The following ZC3H4 variants were observed in gnomAD, a reference collection of about 807,000 sequenced individuals.
ZC3H4 encodes the protein zinc finger CCCH domain-containing protein 4.
A neutral mutation model predicts 108.3 loss-of-function variants in ZC3H4; 13 were observed. The ratio of observed to expected loss-of-function variants is 0.12; its 90% confidence interval spans 0.08 to 0.19. The LOEUF (loss-of-function observed/expected upper bound fraction) is 0.19, where lower values mean the gene tolerates loss of function less well. Among genes scored for constraint, ZC3H4 ranks in the 10% least tolerant of loss-of-function variants. ZC3H4 has a pLI of 1.00. For synonymous variants in ZC3H4, 917 were observed against 749.6 expected (o/e 1.22, Z -3.65); for missense variants, 1,734 against 1,838.8 (o/e 0.94, Z 1.04).
At chr19:47,109,598 A>G (rs1233360658) in intron 2 of ZC3H4, among the ~76,000 whole-genome samples, 1 of 152,174 alleles carries the variant, frequency 6.6e-6, no homozygotes, top group Non-Finnish European at 1.5e-5. Flanking sequence ...AGGATATCGT[A>G]GTTTGGAGAT....
intron 11 of ZC3H4, among the ~76,000 whole-genome samples, chr19:47,076,638 G>A (rs1315914801): frequency 2.6e-5 from 4 of 152,056 alleles, no homozygotes; most frequent in Admixed American, 6.6e-5. Flanking sequence ...GGTGGATTAC[G>A]AGGTCAGGAG....
At chr19:47,097,928 G>A (rs116395723) in intron 2 of ZC3H4, among the ~76,000 whole-genome samples, 2,633 of 152,242 alleles carry the variant, frequency 0.017, 61 homozygotes, top group African/African-American at 0.051. Flanking sequence ...CAGAGCCCTC[G>A]GGAACAAGAA....
At chr19:47,108,569 G>A (rs1395015239) in intron 2 of ZC3H4, among the ~76,000 whole-genome samples, 1 of 152,164 alleles carries the variant, frequency 6.6e-6, no homozygotes, top group Non-Finnish European at 1.5e-5. Context: ...GGCCCAATAT[G>A]AAATTGCTCT....
chr19:47,095,322 A>C lies in ZC3H4; in HGVS notation c.162-714T>G, dbSNP rs148270650. 2.1e-3 allele frequency among the ~76,000 whole-genome samples: 327 copies of C among 152,334 alleles called. 1 individual carries two copies. The highest frequency in any genetic ancestry group is 7.6e-3 in the African/African-American group (315 of 41,572). On this transcript the variant is annotated intron_variant, in intron 2 of 14. Coordinates refer to ENST00000253048, the MANE Select transcript of ZC3H4 (RefSeq NM_015168.2). ...ACAAAAGCCCCATGAGAACCGCTGG[A>C]AACAGGCTCAGAGTCCCAGGTCACA...
At position 47,067,421 on chromosome 19, in the gene ZC3H4, C is replaced by T. The variant is rs1272411379; in HGVS notation, c.2847G>A (p.Leu949=). ...IPLDPLPGHP[L]RDPRSQLQQF... Reference sequence around the variant, plus strand: ...GCTGCAGCTGTGACCGTGGGTCCCGCAGAGGGTGCCCGGGGAGTGGGTCCA... The same window carrying T: ...GCTGCAGCTGTGACCGTGGGTCCCGTAGAGGGTGCCCGGGGAGTGGGTCCA... Residue 949 remains leucine, a synonymous_variant, in exon 15 of 15, where the codon CTG becomes CTA. Coordinates refer to ENST00000253048, the MANE Select transcript of ZC3H4 (RefSeq NM_015168.2). The surrounding 1 kb of genome is among the most constrained non-coding windows in gnomAD (Gnocchi z 6.4). 6.2e-7 allele frequency: 1 copy of T among 1,606,396 alleles called. No homozygotes were observed. The highest frequency in any genetic ancestry group is 8.5e-7 in the Non-Finnish European group (1 of 1,175,724).
At chr19:47,106,882 T>A (rs751562505) in intron 2 of ZC3H4, among the ~76,000 whole-genome samples, 17 of 152,228 alleles carry the variant, frequency 1.1e-4, no homozygotes, top group Non-Finnish European at 2.2e-4. Flanking sequence ...TGGAGCTGGA[T>A]GAGACCTTGT....
chr19:47,112,225 C>G, intron 2 of ZC3H4, 199 bp downstream of exon 2: 2 of 1,174,392 alleles, frequency 1.7e-6, no homozygotes, highest in Non-Finnish European at 2.1e-6. Flanking sequence ...GGGGGGGAAA[C>G]GCATGAGGCC....
chr19:47,112,205 G>A (rs2058048220), intron 2 of ZC3H4: 2 of 1,209,786 alleles, frequency 1.7e-6, no homozygotes, highest in East Asian at 3.3e-5. Flanking sequence ...GAGCGGGCGA[G>A]CGCCGCGAGG....
intron 2 of ZC3H4, among the ~76,000 whole-genome samples, chr19:47,098,823 G>C (rs2057863235): frequency 6.6e-6 from 1 of 152,194 alleles, no homozygotes; most frequent in Non-Finnish European, 1.5e-5. Flanking sequence ...ATATTTCAAA[G>C]GAGATATTTC....
intron 8 of ZC3H4, 94 bp downstream of exon 8, chr19:47,084,962 G>C (rs1350962623): frequency 3.9e-6 from 6 of 1,536,212 alleles, no homozygotes; most frequent in Middle Eastern, 3.5e-4. Flanking sequence ...GCTGATGGCA[G>C]CAAGGATCAG....
intron 13 of ZC3H4, among the ~76,000 whole-genome samples, chr19:47,070,525 C>A (rs1297509364): frequency 6.6e-6 from 1 of 152,204 alleles, no homozygotes; most frequent in African/African-American, 2.4e-5. Context: ...GGTGCCCCGC[C>A]AGCAGAGCTT....
rs759147490 is a variant in ZC3H4 at position 47,090,007 on chromosome 19, G to A, written c.675C>T (p.Asn225=). The stretch of plus-strand genomic sequence containing the variant: ...TGCCCTCCTTGGCACGCCGGTACTG[G>A]TTCAGCTCTTTGGTGAAGTCGTCAT... The part of the protein sequence containing the change: ...EDYDDFTKEL[N]QYRRAKEGSS... The change falls in exon 5 of 15, where the codon AAC becomes AAT. Residue 225 remains asparagine (N), a synonymous_variant. Transcript: ENST00000253048. 5 of 1,614,210 alleles carry A rather than the reference G, an allele frequency of 3.1e-6. No homozygotes were observed. Among genetic ancestry groups the A allele is most frequent in the Non-Finnish European group, 3.4e-6 (4 of 1,180,028 alleles).
In ZC3H4 at chr19:47,067,958, T is replaced by C. The variant is rs1028289503; in HGVS notation, c.2399-89A>G. On this transcript the variant is annotated intron_variant, in intron 14 of 14. Transcript: ENST00000253048. This position sits in a 1 kb window ranked among gnomAD's most constrained non-coding sequence, Gnocchi z 6.4. Reference sequence around the variant, plus strand: ...CCCACAGCAGCCCACCGTGAGCAGCTCCTTTGCTTGTGCCTCTCAGAACCT... The same window carrying C: ...CCCACAGCAGCCCACCGTGAGCAGCCCCTTTGCTTGTGCCTCTCAGAACCT... 4 of 1,308,084 alleles carry C rather than the reference T, an allele frequency of 3.1e-6. No homozygotes were observed. In the East Asian group the frequency reaches 1.0e-4, roughly 33 times the overall value. 81.0% of individuals were successfully genotyped at this position (1,308,084 alleles called of 1,614,324 possible). A position where few individuals can be genotyped will look rare whatever the true frequency, so the allele number is the denominator to read the frequency against.
chr19:47,109,054 A>T (rs531646754), intron 2 of ZC3H4, among the ~76,000 whole-genome samples: 1 of 152,234 alleles, frequency 6.6e-6, no homozygotes, highest in Non-Finnish European at 1.5e-5. Context: ...GTGTATAATA[A>T]GATTTGTTAT....
intron 2 of ZC3H4, among the ~76,000 whole-genome samples, chr19:47,101,073 G>A (rs2057897758): frequency 1.3e-5 from 2 of 152,064 alleles, no homozygotes; most frequent in African/African-American, 4.8e-5. Flanking sequence ...CAGACACAGT[G>A]GCTCATGCCT....
chr19:47,069,139 G>T lies in ZC3H4; in HGVS notation c.2351C>A (p.Ala784Glu). 6.2e-7 allele frequency: 1 copy of T among 1,606,232 alleles called. No individual in the cohort carries two copies. Residue 784 changes from alanine (A) to glutamate (E), a missense_variant, in exon 14 of 15, where the codon GCG (alanine) becomes GAG (glutamate). Physicochemically the swap from Ala to Glu is moderately radical, Grantham distance 107. Transcript: ENST00000253048. ...CTTGCTGCTCTCAGCCAGCCTCCTC[G>T]CTCTCTCCTCCTCCTCCTGCTGCTT... is the stretch of plus-strand genomic sequence containing the variant. ...QQKQQEEEERARRLAESSKQD... is the reference protein window; with the variant it reads ...QQKQQEEEERERRLAESSKQD...
chr19:47,112,138 GCCT>G (rs1296445854), intron 2 of ZC3H4: 7 of 1,094,386 alleles, frequency 6.4e-6, no homozygotes, highest in Non-Finnish European at 7.8e-6. Flanking sequence ...TCCGAGGGGC[GCCT>G]CCTCACCTTC....
At chr19:47,086,328 C>A in intron 6 of ZC3H4, 56 bp downstream of exon 6, 2 of 1,605,264 alleles carry the variant, frequency 1.2e-6, no homozygotes, top group East Asian at 2.2e-5. Flanking sequence ...AGTGCTCACG[C>A]CCCGGAAAGC....
chr19:47,077,926 C>CAGAAAT (rs1220269802), intron 11 of ZC3H4, among the ~76,000 whole-genome samples: 1 of 151,230 alleles, frequency 6.6e-6, no homozygotes, highest in African/African-American at 2.4e-5. Context: ...TACTCCAAAG[C>CAGAAAT]AGAAATCTAC....
Sources: allele counts gnomAD v4.1 joint callset (sites outside exome capture counted in the v4.1 genomes callset), GRCh38; gene constraint gnomAD v4.1.1; non-coding constraint Gnocchi (gnomAD v3.1); transcripts MANE v1.5; gene names NCBI Gene and HGNC (gene_info 2026-07-23, HGNC 2026-07-21).